Variants in SCN2A observed in about 807,000 individuals in gnomAD.
SCN2A encodes sodium voltage-gated channel alpha subunit 2.
In SCN2A, 20 loss-of-function variants were observed where a neutral mutation model predicts 188.7. The ratio of observed to expected loss-of-function variants is 0.11; its 90% confidence interval spans 0.07 to 0.15. SCN2A has a LOEUF of 0.15. SCN2A is among the 10% of genes least tolerant of loss of function. The probability of loss-of-function intolerance (pLI) is 1.00; values close to 1 mark genes in which losing one functional copy is unlikely to be tolerated. For missense variants in SCN2A, 1,278 were observed against 2,445.0 expected (o/e 0.52, Z 10.07); for synonymous variants, 804 against 833.1 (o/e 0.97, Z 0.60).
chr2:165,323,371 C>G lies in SCN2A; in HGVS notation c.1887C>G (p.Ser629Arg). The change falls in exon 12 of 27, where the codon AGC becomes AGG. Residue 629 changes from serine to arginine, a missense_variant. Physicochemically the swap from Ser to Arg is moderately radical, Grantham distance 110. This residue lies in a region of SCN2A where 315 missense variants were observed against 386.6 expected (regional missense o/e 0.81). Coordinates refer to ENST00000375437, the MANE Select transcript of SCN2A (RefSeq NM_001040142.2). ...ERRHSNVSQA[S>R]RASRVLPILP... Reference sequence around the variant, plus strand: ...GCCACAGCAATGTCAGCCAGGCCAGCCGTGCCTCCAGGGTGCTCCCCATCC... The same window carrying G: ...GCCACAGCAATGTCAGCCAGGCCAGGCGTGCCTCCAGGGTGCTCCCCATCC... The G allele has an allele frequency of 6.2e-7, 1 of 1,614,132 alleles. No homozygotes were observed. The highest frequency in any genetic ancestry group is 8.5e-7 in the Non-Finnish European group (1 of 1,180,016).
chr2:165,353,467 G>C (rs559804816), intron 16 of SCN2A, among the ~76,000 whole-genome samples: 3 of 152,048 alleles, frequency 2.0e-5, no homozygotes, highest in Admixed American at 6.6e-5. Flanking sequence ...AGTCAAAATA[G>C]CATCTGTATT....
intron 13 of SCN2A, chr2:165,328,207 G>T (rs1010089598): frequency 6.6e-6 from 1 of 152,532 alleles, no homozygotes; most frequent in Admixed American, 6.5e-5. Flanking sequence ...TCACAGTGTA[G>T]ACGACTGTGT....
intron 1 of SCN2A, among the ~76,000 whole-genome samples, chr2:165,259,324 C>T (rs1694471675): frequency 6.6e-6 from 1 of 152,134 alleles, no homozygotes; most frequent in African/African-American, 2.4e-5. Flanking sequence ...GCTGTGGCAA[C>T]TTCTTAAAAT....
intron 1 of SCN2A, among the ~76,000 whole-genome samples, chr2:165,275,351 C>A (rs1695287939): frequency 6.6e-6 from 1 of 152,138 alleles, no homozygotes; most frequent in South Asian, 2.1e-4. Context: ...CTCCCCAACC[C>A]TGATTATTTT....
intron 1 of SCN2A, among the ~76,000 whole-genome samples, chr2:165,260,194 C>T (rs372014515): frequency 4.6e-5 from 7 of 152,216 alleles, no homozygotes; most frequent in East Asian, 1.9e-4. Flanking sequence ...CCGCCTGCCT[C>T]GGCCTCCCAA....
Position 165,278,287 on chromosome 2 carries a change from G to A in SCN2A, c.-51-17486G>A, listed in dbSNP as rs1435071332. Among the ~76,000 whole-genome samples, 3 of 152,264 alleles carry A rather than the reference G, an allele frequency of 2.0e-5. No individual in the cohort carries two copies. In the East Asian group the frequency reaches 5.8e-4, roughly 29 times the overall value. On this transcript the variant is annotated intron_variant, in intron 1 of 26. Transcript: ENST00000375437. ...CTGCCATAAAGAACTGCCTGAGACTGGAAAATTTACAAAGGAAAGAGGTTT... is the reference window on the plus strand; with the variant it reads ...CTGCCATAAAGAACTGCCTGAGACTAGAAAATTTACAAAGGAAAGAGGTTT...
At chr2:165,285,555 G>A in intron 1 of SCN2A, 1 of 206,834 alleles carries the variant, frequency 4.8e-6, no homozygotes, top group African/African-American at 2.3e-5. Flanking sequence ...GGACAATTTT[G>A]AATTCATTCA....
intron 14 of SCN2A, among the ~76,000 whole-genome samples, chr2:165,341,701 G>T (rs756984152): frequency 5.9e-5 from 9 of 152,196 alleles, no homozygotes; most frequent in Non-Finnish European, 1.5e-5. Flanking sequence ...GTGCTTCTCA[G>T]ATGGGAAGGC....
chr2:165,331,393 T>C lies in SCN2A; in HGVS notation c.2213T>C (p.Ile738Thr). 1 of 1,613,870 alleles carries C rather than the reference T, an allele frequency of 6.2e-7. No individual in the cohort carries two copies. Among genetic ancestry groups the C allele is most frequent in the Non-Finnish European group, 8.5e-7 (1 of 1,179,792 alleles). ...CWYKFANMCL[I>T]WDCCKPWLKV... Reference sequence around the variant, plus strand: ...TATAAATTTGCTAATATGTGTTTGATTTGGGACTGTTGTAAACCATGGTTA... The same window carrying C: ...TATAAATTTGCTAATATGTGTTTGACTTGGGACTGTTGTAAACCATGGTTA... The change falls in exon 14 of 27, where the codon ATT becomes ACT. Residue 738 changes from isoleucine to threonine, a missense_variant. By Grantham distance (89) the Ile-to-Thr change is moderately conservative. This residue lies in a region of SCN2A where 315 missense variants were observed against 386.6 expected (regional missense o/e 0.81). Transcript: ENST00000375437.
intron 1 of SCN2A, among the ~76,000 whole-genome samples, chr2:165,256,819 C>T (rs974223384): frequency 1.3e-5 from 2 of 152,050 alleles, no homozygotes; most frequent in African/African-American, 2.4e-5. Context: ...CCTGCTTACT[C>T]ATCATTACAG....
chr2:165,349,608 GAT>G (rs1368143494), intron 16 of SCN2A, among the ~76,000 whole-genome samples: 1 of 152,120 alleles, frequency 6.6e-6, no homozygotes, highest in East Asian at 1.9e-4. Context: ...TGCATAAAAA[GAT>G]ATAGTTTATA....
chr2:165,391,840 C>T lies in SCN2A; in HGVS notation c.*2016C>T, dbSNP rs1326419373. 1 of 152,368 alleles carries T rather than the reference C, an allele frequency of 6.6e-6. No individual in the cohort carries two copies. The highest frequency in any genetic ancestry group is 1.5e-5 in the Non-Finnish European group (1 of 67,948). The allele number at this position is 152,368 out of a possible 1,614,324, so 9.4% of individuals were successfully genotyped here. A position where few individuals can be genotyped will look rare whatever the true frequency, so the allele number is the denominator to read the frequency against. On this transcript the variant is annotated 3_prime_UTR_variant, in exon 27 of 27. Coordinates refer to ENST00000375437, the MANE Select transcript of SCN2A (RefSeq NM_001040142.2). The stretch of plus-strand genomic sequence containing the variant: ...TGGGATCCCAGCTTTTTTTCCTCTC[C>T]CACAAAACCAGGTAGTGAAGTTATA...
At chr2:165,277,059 CA>C (rs572170910) in intron 1 of SCN2A, among the ~76,000 whole-genome samples, 40 of 147,644 alleles carry the variant, frequency 2.7e-4, no homozygotes, top group African/African-American at 5.7e-4. Context: ...GACTCCGTCT[CA>C]AAAAAAAAAT....
intron 1 of SCN2A, among the ~76,000 whole-genome samples, chr2:165,259,400 G>A (rs1694475336): frequency 6.6e-6 from 1 of 152,174 alleles, no homozygotes; most frequent in African/African-American, 2.4e-5. Flanking sequence ...CCTTTGGCAT[G>A]CAATCCTGTT....
chr2:165,349,085 C>T (rs890023675), intron 16 of SCN2A, among the ~76,000 whole-genome samples: 1 of 151,990 alleles, frequency 6.6e-6, no homozygotes, highest in African/African-American at 2.4e-5. Flanking sequence ...ACAGAAAGTG[C>T]CATAGGGTTA....
At chr2:165,373,518 G>A (rs1701150989) in intron 21 of SCN2A, among the ~76,000 whole-genome samples, 171 bp downstream of exon 21, 2 of 152,084 alleles carry the variant, frequency 1.3e-5, no homozygotes. Flanking sequence ...TGGCACTGCT[G>A]GAGTCACTCA....
chr2:165,291,203 G>A (rs554610138), intron 1 of SCN2A, among the ~76,000 whole-genome samples: 5 of 151,370 alleles, frequency 3.3e-5, no homozygotes, highest in South Asian at 2.1e-4. Flanking sequence ...CACCATGCCC[G>A]GCTAATTTTT....
At chr2:165,272,015 C>G (rs80096044) in intron 1 of SCN2A, 1 of 151,996 alleles carries the variant, frequency 6.6e-6, no homozygotes, top group Non-Finnish European at 1.5e-5. Flanking sequence ...AAAAAGTTTA[C>G]TATGAACATT....
intron 22 of SCN2A, among the ~76,000 whole-genome samples, chr2:165,375,177 G>A (rs1251554942): frequency 6.6e-6 from 1 of 151,858 alleles, no homozygotes; most frequent in Non-Finnish European, 1.5e-5. Flanking sequence ...ACAGTATGGA[G>A]GTTTCTCAAA....
Sources: allele counts gnomAD v4.1 joint callset (sites outside exome capture counted in the v4.1 genomes callset), GRCh38; gene constraint gnomAD v4.1.1; regional missense constraint gnomAD v4.1.1; transcripts MANE v1.5; gene names NCBI Gene and HGNC (gene_info 2026-07-23, HGNC 2026-07-21).